The following PDE7B variants were observed in gnomAD, a reference collection of about 807,000 sequenced individuals.
PDE7B encodes 3',5'-cyclic-AMP phosphodiesterase 7B.
In PDE7B, 29 loss-of-function variants were observed where a neutral mutation model predicts 56.2. That is an observed-to-expected ratio of 0.52 (90% confidence interval 0.38 to 0.70). PDE7B has a LOEUF of 0.70. Among genes scored for constraint, PDE7B ranks in the 30% least tolerant of loss-of-function variants. The probability of loss-of-function intolerance (pLI) is 0.00; values close to 1 mark genes in which losing one functional copy is unlikely to be tolerated. For missense variants in PDE7B, 490 were observed against 565.0 expected (o/e 0.87, Z 1.35); for synonymous variants, 197 against 196.9 (o/e 1.00, Z 0.00).
chr6:136,036,506 A>G (rs1776327797), intron 2 of PDE7B, among the ~76,000 whole-genome samples: 1 of 152,210 alleles, frequency 6.6e-6, no homozygotes, highest in Non-Finnish European at 1.5e-5. Context: ...CAGTATGGAA[A>G]ACTAAACTTA....
At chr6:135,943,653 C>T (rs1774544650) in intron 1 of PDE7B, among the ~76,000 whole-genome samples, 1 of 152,192 alleles carries the variant, frequency 6.6e-6, no homozygotes, top group South Asian at 2.1e-4. Context: ...AGTAGAGGCA[C>T]AGCACTTAGT....
chr6:135,996,545 T>C (rs1053101357), intron 2 of PDE7B, among the ~76,000 whole-genome samples: 4 of 152,234 alleles, frequency 2.6e-5, no homozygotes, highest in African/African-American at 9.6e-5. Flanking sequence ...TTTTTATCAA[T>C]ATAGAACAAG....
intron 2 of PDE7B, among the ~76,000 whole-genome samples, chr6:135,951,562 A>G (rs1227343148): frequency 6.6e-6 from 1 of 152,188 alleles, no homozygotes; most frequent in Non-Finnish European, 1.5e-5. Flanking sequence ...ACGATAAATC[A>G]TGGGAAAAGA....
intron 1 of PDE7B, among the ~76,000 whole-genome samples, chr6:135,870,784 T>C (rs1775364055): frequency 6.6e-6 from 1 of 151,998 alleles, no homozygotes; most frequent in Non-Finnish European, 1.5e-5. Context: ...TATCAATATA[T>C]ATGCTATTTA....
At chr6:136,150,700 C>T (rs954342597) in intron 5 of PDE7B, among the ~76,000 whole-genome samples, 2 of 152,184 alleles carry the variant, frequency 1.3e-5, no homozygotes, top group African/African-American at 4.8e-5. Context: ...CAGATCTCCT[C>T]TTGAGTGATT....
At chr6:135,992,140 C>T (rs745526066) in intron 2 of PDE7B, among the ~76,000 whole-genome samples, 16 of 151,708 alleles carry the variant, frequency 1.1e-4, no homozygotes, top group African/African-American at 1.2e-4. Context: ...TTCCCTGGGC[C>T]GCTCTGAAAG....
chr6:136,017,286 AAAC>A (rs1458107845), intron 2 of PDE7B, among the ~76,000 whole-genome samples: 8 of 152,228 alleles, frequency 5.3e-5, no homozygotes, highest in African/African-American at 1.9e-4. Context: ...TCTTCTATTG[AAAC>A]TACTAGCGAA....
intron 2 of PDE7B, among the ~76,000 whole-genome samples, chr6:136,107,004 G>C (rs904413670): frequency 1.3e-5 from 2 of 151,964 alleles, no homozygotes; most frequent in African/African-American, 4.8e-5. Flanking sequence ...TATCAATATG[G>C]CAATGTAATA....
chr6:135,867,303 GA>G (rs1775279937), intron 1 of PDE7B, among the ~76,000 whole-genome samples: 1 of 152,070 alleles, frequency 6.6e-6, no homozygotes, highest in African/African-American at 2.4e-5. Flanking sequence ...TTTCAAAACA[GA>G]AATTAGAAAA....
intron 11 of PDE7B, among the ~76,000 whole-genome samples, chr6:136,182,736 T>C (rs1339855855): frequency 6.6e-6 from 1 of 152,228 alleles, no homozygotes; most frequent in African/African-American, 2.4e-5. Context: ...AGTTGTCAAC[T>C]AAGTACAGTA....
intron 1 of PDE7B, among the ~76,000 whole-genome samples, chr6:135,926,495 G>C (rs55892396): frequency 0.095 from 14,381 of 151,788 alleles, 698 homozygotes; most frequent in Non-Finnish European, 0.11. Flanking sequence ...GGGTGGGGGG[G>C]GCTTAGCAAA....
At chr6:135,940,869 G>T (rs1486847343) in intron 1 of PDE7B, among the ~76,000 whole-genome samples, 1 of 152,138 alleles carries the variant, frequency 6.6e-6, no homozygotes, top group Non-Finnish European at 1.5e-5. Context: ...TTACGGTAAG[G>T]AATTATTCAT....
chr6:135,886,567 A>T lies in PDE7B; in HGVS notation c.21+34548A>T, dbSNP rs550852815. On this transcript the variant is annotated intron_variant, in intron 1 of 12. Coordinates refer to ENST00000308191, the MANE Select transcript of PDE7B (RefSeq NM_018945.4). ...TCCCCAAAGTTCAAACATCACACTT[A>T]TGTCTTTGTGTCCTCATAGCTTAGC... 2.0e-5 allele frequency among the ~76,000 whole-genome samples: 3 copies of T among 152,064 alleles called. No individual in the cohort carries two copies. In the South Asian group the frequency reaches 6.2e-4, roughly 32 times the overall value.
At position 135,865,680 on chromosome 6, in the gene PDE7B, G is replaced by A. The variant is rs182829346; in HGVS notation, c.21+13661G>A. ...GTGGAGAGAGAGAGAGAGAGACAGA[G>A]ACAGAGAAATTACTTGAGGCCTAGT... On this transcript the variant is annotated intron_variant, in intron 1 of 12. Transcript: ENST00000308191. 7.3e-3 allele frequency among the ~76,000 whole-genome samples: 1,114 copies of A among 151,822 alleles called. 10 individuals are homozygous for A. Among genetic ancestry groups the A allele is most frequent in the Non-Finnish European group, 0.01 (701 of 67,894 alleles).
intron 2 of PDE7B, among the ~76,000 whole-genome samples, chr6:135,956,002 G>A (rs760258818): frequency 3.9e-5 from 6 of 152,102 alleles, no homozygotes; most frequent in South Asian, 2.1e-4. Flanking sequence ...AGTCAGTGGC[G>A]GTGGCGACAT....
At chr6:135,864,089 T>C (rs1206358205) in intron 1 of PDE7B, among the ~76,000 whole-genome samples, 1 of 152,050 alleles carries the variant, frequency 6.6e-6, no homozygotes, top group African/African-American at 2.4e-5. Flanking sequence ...CTTTAGCTTG[T>C]TACTTTTACA....
intron 2 of PDE7B, among the ~76,000 whole-genome samples, chr6:136,007,120 G>A (rs1000713616): frequency 2.6e-5 from 4 of 152,086 alleles, no homozygotes; most frequent in Admixed American, 6.6e-5. Flanking sequence ...TAACATAAAG[G>A]GATGTTGGAT....
At chr6:136,075,793 C>A (rs968346095) in intron 2 of PDE7B, among the ~76,000 whole-genome samples, 1 of 152,164 alleles carries the variant, frequency 6.6e-6, no homozygotes, top group East Asian at 1.9e-4. Flanking sequence ...CCTTACAGAA[C>A]AATGCCTCAA....
In PDE7B at chr6:136,158,132, A is replaced by G. The variant is rs114734055; in HGVS notation, c.711+2374A>G. Among the ~76,000 whole-genome samples the G allele has an allele frequency of 8.2e-3, 1,251 of 152,294 alleles. 11 individuals are homozygous for G. The highest frequency in any genetic ancestry group is 0.029 in the African/African-American group (1,210 of 41,548). ...AGCTGAGCAAACCCATTAACGACAC[A>G]TGGTATTTAAAAATCTTTGGAAATG... On this transcript the variant is annotated intron_variant, in intron 8 of 12. Transcript: ENST00000308191.
Sources: allele counts gnomAD v4.1 joint callset (sites outside exome capture counted in the v4.1 genomes callset), GRCh38; gene constraint gnomAD v4.1.1; transcripts MANE v1.5; gene names NCBI Gene and HGNC (gene_info 2026-07-23, HGNC 2026-07-21).